Variants in SLC24A3 observed in about 807,000 individuals in gnomAD.
SLC24A3 encodes the protein sodium/potassium/calcium exchanger 3.
Under a neutral mutation model 75.8 loss-of-function variants are expected in SLC24A3, and 28 were observed. That is an observed-to-expected ratio of 0.37 (90% CI 0.27 to 0.51). SLC24A3 has a LOEUF of 0.51. Among genes scored for constraint, SLC24A3 ranks in the 20% least tolerant of loss-of-function variants. SLC24A3 has a pLI of 0.94. For missense variants in SLC24A3, 663 were observed against 847.8 expected (o/e 0.78, Z 2.71); for synonymous variants, 372 against 334.1 (o/e 1.11, Z -1.24).
intron 2 of SLC24A3, among the ~76,000 whole-genome samples, chr20:19,408,631 C>T (rs1057114970): frequency 6.6e-6 from 1 of 152,074 alleles, no homozygotes; most frequent in Non-Finnish European, 1.5e-5. Context: ...CTAAAGTGAT[C>T]CACCCACCTC....
At chr20:19,510,198 T>G (rs1988516403) in intron 2 of SLC24A3, among the ~76,000 whole-genome samples, 1 of 152,180 alleles carries the variant, frequency 6.6e-6, no homozygotes. Flanking sequence ...AAATGCCCTT[T>G]GCAAATGAAT....
chr20:19,684,050 T>G, intron 10 of SLC24A3, 126 bp from the exon 11 acceptor site: 1 of 1,051,336 alleles, frequency 9.5e-7, no homozygotes, highest in Admixed American at 2.2e-5. Flanking sequence ...AGTGGATAGA[T>G]GGATGGGTGA....
intron 3 of SLC24A3, among the ~76,000 whole-genome samples, chr20:19,560,599 T>C (rs2030859410): frequency 1.3e-5 from 2 of 152,198 alleles, no homozygotes; most frequent in Non-Finnish European, 2.9e-5. Context: ...TCACTGCTAT[T>C]CCACAACACC....
chr20:19,416,379 C>T (rs6046072), intron 2 of SLC24A3, among the ~76,000 whole-genome samples: 2 of 152,206 alleles, frequency 1.3e-5, no homozygotes, highest in South Asian at 4.1e-4. Context: ...CAACTCCAGC[C>T]TTGTAGTAGA....
intron 2 of SLC24A3, among the ~76,000 whole-genome samples, chr20:19,358,316 C>G (rs571848464): frequency 1.3e-5 from 2 of 152,132 alleles, no homozygotes; most frequent in Non-Finnish European, 2.9e-5. Context: ...AACATCCACC[C>G]GCGCCACATC....
chr20:19,522,325 C>T (rs1024488443), intron 3 of SLC24A3, among the ~76,000 whole-genome samples: 1 of 152,274 alleles, frequency 6.6e-6, no homozygotes, highest in South Asian at 2.1e-4. Context: ...GCTGGCCTGG[C>T]TTTAGCCATC....
rs73282685 is a variant in SLC24A3, at chr20:19,290,967, G to T, written c.271+9880G>T. 4.5e-3 allele frequency among the ~76,000 whole-genome samples: 686 copies of T among 152,312 alleles called. 4 individuals carry two copies. The highest frequency in any genetic ancestry group is 0.015 in the African/African-American group (625 of 41,566). On this transcript the variant is annotated intron_variant, in intron 2 of 16. Coordinates refer to ENST00000328041, the MANE Select transcript of SLC24A3 (RefSeq NM_020689.4). ...AGCTTTCTTGCCCTGGGAAACACCA[G>T]GGTGTGTTTCACACTAGCTGCATTT... is the stretch of plus-strand genomic sequence containing the variant.
intron 12 of SLC24A3, among the ~76,000 whole-genome samples, chr20:19,689,170 T>C (rs1264564657): frequency 1.3e-5 from 2 of 152,250 alleles, no homozygotes; most frequent in African/African-American, 4.8e-5. Context: ...AGTAGGTTTT[T>C]CCAAAGCAAA....
intron 2 of SLC24A3, among the ~76,000 whole-genome samples, chr20:19,292,083 C>G (rs1983955193): frequency 6.6e-6 from 1 of 152,174 alleles, no homozygotes; most frequent in African/African-American, 2.4e-5. Flanking sequence ...TGGGGAGGAC[C>G]CATGGGCTGT....
At chr20:19,570,785 T>A (rs758958575) in intron 3 of SLC24A3, among the ~76,000 whole-genome samples, 3 of 152,166 alleles carry the variant, frequency 2.0e-5, no homozygotes, top group Non-Finnish European at 2.9e-5. Flanking sequence ...TGTGGCATAT[T>A]GCCTGTATTC....
rs551677148 is a variant in SLC24A3, at chr20:19,526,166, G to A, written c.348+10602G>A. Reference sequence around the variant, plus strand: ...ACCCACTGAGCCATGAAGAGCAAGCGTTTTGACTGGTCCCAAAGCACCCTT... The same window carrying A: ...ACCCACTGAGCCATGAAGAGCAAGCATTTTGACTGGTCCCAAAGCACCCTT... On this transcript the variant is annotated intron_variant, in intron 3 of 16. Coordinates refer to ENST00000328041, the MANE Select transcript of SLC24A3 (RefSeq NM_020689.4). 1.1e-4 allele frequency among the ~76,000 whole-genome samples: 16 copies of A among 152,294 alleles called. No homozygotes were observed. In the South Asian group the frequency reaches 2.5e-3, roughly 24 times the overall value.
Position 19,620,638 on chromosome 20 carries a change from G to C in SLC24A3, c.613-33424G>C, listed in dbSNP as rs549087897. ...GGGAAATCCAGATAAGGCCCCACCT[G>C]CTGGGACATTAGCAGGTCTTCTGTC... On this transcript the variant is annotated intron_variant, in intron 6 of 16. Transcript: ENST00000328041. Among the ~76,000 whole-genome samples, 388 of 152,316 alleles carry C rather than the reference G, an allele frequency of 2.5e-3. 2 individuals are homozygous for C. The highest frequency in any genetic ancestry group is 8.8e-3 in the African/African-American group (365 of 41,568).
At chr20:19,292,069 G>A (rs1983954845) in intron 2 of SLC24A3, among the ~76,000 whole-genome samples, 1 of 152,216 alleles carries the variant, frequency 6.6e-6, no homozygotes, top group Non-Finnish European at 1.5e-5. Context: ...GGGCATCACA[G>A]GCCTGGGGAG....
intron 3 of SLC24A3, among the ~76,000 whole-genome samples, chr20:19,546,295 A>G (rs535807407): frequency 6.6e-6 from 1 of 151,104 alleles, no homozygotes; most frequent in South Asian, 2.1e-4. Flanking sequence ...CTCTCCCTAC[A>G]CCCCTGAGCC....
rs903299379 is a variant in SLC24A3 at position 19,537,421 on chromosome 20, T to C, written c.348+21857T>C. ...TGGAGAAACAGGAACACTTTTACAC[T>C]GTTGGTGGGACTGGAAACTAGTTCA... On this transcript the variant is annotated intron_variant, in intron 3 of 16. Coordinates refer to ENST00000328041, the MANE Select transcript of SLC24A3 (RefSeq NM_020689.4). 1.3e-4 allele frequency among the ~76,000 whole-genome samples: 20 copies of C among 152,314 alleles called. No homozygotes were observed. In the East Asian group the frequency reaches 3.9e-3, roughly 29 times the overall value.
chr20:19,266,820 G>A (rs960992503), intron 1 of SLC24A3, among the ~76,000 whole-genome samples: 1 of 152,102 alleles, frequency 6.6e-6, no homozygotes, highest in Admixed American at 6.6e-5. Flanking sequence ...GTGATCCTTA[G>A]GAAAGTATAT....
intron 6 of SLC24A3, among the ~76,000 whole-genome samples, chr20:19,589,234 A>G (rs1424810623): frequency 6.6e-6 from 1 of 152,266 alleles, no homozygotes; most frequent in Non-Finnish European, 1.5e-5. Flanking sequence ...TTAGCAAGCC[A>G]GTTATCACTG....
intron 2 of SLC24A3, among the ~76,000 whole-genome samples, chr20:19,378,867 A>G (rs1986132774): frequency 6.6e-6 from 1 of 151,630 alleles, no homozygotes; most frequent in African/African-American, 2.4e-5. Context: ...GTATCACCTA[A>G]GGCTTGAGAA....
rs1242752691 is a variant in SLC24A3, at chr20:19,580,941, G to A, written c.423+867G>A. 2.0e-5 allele frequency among the ~76,000 whole-genome samples: 3 copies of A among 152,146 alleles called. No individual in the cohort carries two copies. In the East Asian group the frequency reaches 5.8e-4, roughly 29 times the overall value. On this transcript the variant is annotated intron_variant, in intron 4 of 16. Transcript: ENST00000328041. ...TCCAGTAGGTCTTGGGAGAGTGGGA[G>A]GGGGTAGAATTTGCATTTCTAATAC...
Sources: gnomAD v4.1 joint callset for allele counts (sites outside exome capture counted in the v4.1 genomes callset) on GRCh38, gnomAD v4.1.1 for gene constraint, MANE v1.5 for transcripts, NCBI Gene and HGNC (gene_info 2026-07-23, HGNC 2026-07-21) for gene names.